Variants in SLC4A4 observed in about 807,000 individuals in gnomAD.
The protein encoded by SLC4A4 is electrogenic sodium bicarbonate cotransporter 1.
In SLC4A4, 27 loss-of-function variants were observed where a neutral mutation model predicts 111.5. The observed-to-expected ratio is 0.24, with a 90% CI of 0.18 to 0.33. SLC4A4 has a LOEUF of 0.33. Ranked by LOEUF, SLC4A4 falls within the 10% of genes least tolerant of loss-of-function variation. The pLI, the probability that SLC4A4 is intolerant of heterozygous loss-of-function variation, is 1.00. For synonymous variants in SLC4A4, 443 were observed against 463.4 expected (o/e 0.96, Z 0.57); for missense variants, 909 against 1,315.5 (o/e 0.69, Z 4.78).
At chr4:71,113,613 G>C (rs1743156964) in intron 2 of SLC4A4, among the ~76,000 whole-genome samples, 1 of 152,092 alleles carries the variant, frequency 6.6e-6, no homozygotes, top group South Asian at 2.1e-4. Flanking sequence ...AATTGCGGTG[G>C]TCATGCACTT....
At chr4:71,557,090 T>C (rs1293279216) in intron 21 of SLC4A4, among the ~76,000 whole-genome samples, 1 of 151,948 alleles carries the variant, frequency 6.6e-6, no homozygotes, top group East Asian at 1.9e-4. Context: ...GATTCAGATG[T>C]TGACCCTGAA....
chr4:71,159,899 A>T (rs1686915155), intron 2 of SLC4A4, among the ~76,000 whole-genome samples: 1 of 152,012 alleles, frequency 6.6e-6, no homozygotes, highest in African/African-American at 2.4e-5. Flanking sequence ...CTATAGTTCT[A>T]TTCTATAGTA....
At chr4:71,526,897 A>C (rs1307978427) in intron 16 of SLC4A4, among the ~76,000 whole-genome samples, 2 of 151,998 alleles carry the variant, frequency 1.3e-5, no homozygotes, top group African/African-American at 4.8e-5. Flanking sequence ...GTGGCCAGTC[A>C]AGTCTTTCTC....
chr4:71,272,557 T>C (rs1345936842), intron 3 of SLC4A4, among the ~76,000 whole-genome samples: 1 of 152,152 alleles, frequency 6.6e-6, no homozygotes, highest in African/African-American at 2.4e-5. Flanking sequence ...GGATCTGGAC[T>C]CTTGTTTGGA....
chr4:71,265,497 A>T (rs140574680), intron 3 of SLC4A4, among the ~76,000 whole-genome samples: 1 of 152,298 alleles, frequency 6.6e-6, no homozygotes, highest in East Asian at 1.9e-4. Context: ...TATTCTGAGA[A>T]AGAAGCAGAG....
intron 2 of SLC4A4, among the ~76,000 whole-genome samples, chr4:71,142,437 C>T (rs1464787175): frequency 6.6e-6 from 1 of 152,150 alleles, no homozygotes; most frequent in East Asian, 1.9e-4. Context: ...TCAAACTCAA[C>T]TATGGCTTTT....
chr4:71,097,194 G>C (rs1231095337), intron 2 of SLC4A4, among the ~76,000 whole-genome samples: 1 of 152,008 alleles, frequency 6.6e-6, no homozygotes, highest in African/African-American at 2.4e-5. Context: ...CCTTAAGTAG[G>C]TCCCAGTGTC....
intron 16 of SLC4A4, among the ~76,000 whole-genome samples, chr4:71,506,783 C>T (rs1045675363): frequency 6.6e-6 from 1 of 151,962 alleles, no homozygotes; most frequent in East Asian, 1.9e-4. Flanking sequence ...GTCCTCAAGA[C>T]ACATAATCAT....
intron 1 of SLC4A4, among the ~76,000 whole-genome samples, chr4:71,229,604 T>C (rs1232037756): frequency 6.6e-6 from 1 of 152,128 alleles, no homozygotes; most frequent in Non-Finnish European, 1.5e-5. Context: ...GCTCCTGAGC[T>C]CTGGGAAGGA....
At chr4:71,452,142 T>G (rs980577183) in intron 11 of SLC4A4, among the ~76,000 whole-genome samples, 29 of 152,086 alleles carry the variant, frequency 1.9e-4, no homozygotes, top group African/African-American at 7.0e-4. Flanking sequence ...AATATGCAAT[T>G]GAATGTGAAT....
intron 1 of SLC4A4, among the ~76,000 whole-genome samples, chr4:71,076,209 T>C (rs1741815717): frequency 1.3e-5 from 2 of 152,120 alleles, no homozygotes; most frequent in African/African-American, 4.8e-5. Flanking sequence ...GAGAATGTTA[T>C]CTGGAAAATG....
chr4:71,308,031 A>G (rs1725829791), intron 3 of SLC4A4, among the ~76,000 whole-genome samples: 1 of 152,078 alleles, frequency 6.6e-6, no homozygotes, highest in South Asian at 2.1e-4. Flanking sequence ...TATTCATATG[A>G]TAGGATAAAG....
At chr4:71,552,824 G>T (rs991728171) in intron 20 of SLC4A4, among the ~76,000 whole-genome samples, 1 of 151,306 alleles carries the variant, frequency 6.6e-6, no homozygotes. Context: ...CTCCTGTCTT[G>T]CTTTGTAAAA....
intron 1 of SLC4A4, among the ~76,000 whole-genome samples, chr4:71,076,009 C>T (rs543161777): frequency 1.4e-5 from 2 of 143,260 alleles, no homozygotes; most frequent in East Asian, 4.3e-4. Context: ...AAATAAATAG[C>T]AATCCCGTCA....
intron 2 of SLC4A4, among the ~76,000 whole-genome samples, chr4:71,254,408 T>C (rs1230762885): frequency 6.6e-6 from 1 of 152,068 alleles, no homozygotes; most frequent in Admixed American, 6.6e-5. Context: ...TCACAATCTT[T>C]TTTCCTCATG....
At chr4:71,136,711 T>C (rs1743856218) in intron 2 of SLC4A4, among the ~76,000 whole-genome samples, 1 of 152,202 alleles carries the variant, frequency 6.6e-6, no homozygotes, top group Admixed American at 6.5e-5. Flanking sequence ...CTCATTAATA[T>C]ACATGTGGTA....
At chr4:71,393,381 G>A (rs577891081) in intron 6 of SLC4A4, among the ~76,000 whole-genome samples, 8 of 152,016 alleles carry the variant, frequency 5.3e-5, no homozygotes, top group Non-Finnish European at 7.4e-5. Flanking sequence ...GCGACTCAAC[G>A]GAGAATCAAA....
intron 3 of SLC4A4, among the ~76,000 whole-genome samples, chr4:71,293,100 C>T (rs1184475664): frequency 2.0e-5 from 3 of 150,702 alleles, no homozygotes; most frequent in Non-Finnish European, 4.4e-5. Flanking sequence ...TTCGGCCTCC[C>T]AAAGTGCTGG....
chr4:71,250,053 T>G (rs1040982253), intron 2 of SLC4A4, among the ~76,000 whole-genome samples: 18 of 152,304 alleles, frequency 1.2e-4, no homozygotes, highest in African/African-American at 4.3e-4. Context: ...AGATTTTTTT[T>G]TGGTCCAACA....
Sources: gnomAD v4.1 joint callset for allele counts (sites outside exome capture counted in the v4.1 genomes callset) on GRCh38, gnomAD v4.1.1 for gene constraint, MANE v1.5 for transcripts, NCBI Gene and HGNC (gene_info 2026-07-23, HGNC 2026-07-21) for gene names.